The following KCTD19 variants were observed in gnomAD, a reference collection of about 807,000 sequenced individuals.
KCTD19 encodes BTB/POZ domain-containing protein KCTD19.
In KCTD19, 67 loss-of-function variants were observed where a neutral mutation model predicts 103.5. The observed-to-expected ratio is 0.65, with a 90% CI of 0.53 to 0.79. The LOEUF is 0.79. Among genes scored for constraint, KCTD19 ranks in the 30% least tolerant of loss-of-function variants. KCTD19 has a pLI of 0.00. For synonymous variants in KCTD19, 439 were observed against 452.2 expected (o/e 0.97, Z 0.37); for missense variants, 980 against 1,136.1 (o/e 0.86, Z 1.98).
At chr16:67,319,347 T>C (rs2037047042) in intron 2 of KCTD19, among the ~76,000 whole-genome samples, 1 of 152,200 alleles carries the variant, frequency 6.6e-6, no homozygotes, top group African/African-American at 2.4e-5. Flanking sequence ...CATTCCTCTA[T>C]GGCCCAGATA....
In KCTD19 at chr16:67,294,859, C is replaced by T. The variant is rs895799118; in HGVS notation, c.1475+114G>A. On this transcript the variant is annotated intron_variant, in intron 10 of 15. Coordinates refer to ENST00000304372, the MANE Select transcript of KCTD19 (RefSeq NM_001100915.3). ...ACTGGCCAATCCTGGGCCTGCTTCA[C>T]TCCCTCAACCCCAAGGAGATCAGGA... 7 of 1,012,862 alleles carry T rather than the reference C, an allele frequency of 6.9e-6. No homozygotes were observed. The African/African-American group carries it at 1.1e-4, about 16-fold the overall frequency. The allele number at this position is 1,012,862 out of a possible 1,614,324, so 62.7% of individuals were successfully genotyped here.
intron 1 of KCTD19, among the ~76,000 whole-genome samples, chr16:67,325,404 T>C (rs951628937): frequency 6.6e-6 from 1 of 150,962 alleles, no homozygotes; most frequent in African/African-American, 2.4e-5. Context: ...TATTTTATTT[T>C]GTTTTATTTT....
chr16:67,299,825 A>T (rs1010908134), intron 5 of KCTD19: 21 of 520,996 alleles, frequency 4.0e-5, no homozygotes, highest in Non-Finnish European at 3.4e-6. Context: ...TATCACTAGC[A>T]TCTGAATTTC....
intron 4 of KCTD19, chr16:67,302,242 T>G: frequency 3.8e-6 from 1 of 262,024 alleles, no homozygotes; most frequent in East Asian, 1.0e-4. Context: ...GAGCAGGTCA[T>G]TCCAAAAGAG....
At chr16:67,325,375 GC>G (rs1417827945) in intron 1 of KCTD19, among the ~76,000 whole-genome samples, 4 of 121,078 alleles carry the variant, frequency 3.3e-5, no homozygotes, top group Admixed American at 2.2e-4. Context: ...ACCACGCCCG[GC>G]TTTATTTTAT....
At chr16:67,297,274 C>G (rs2036775177) in intron 7 of KCTD19, among the ~76,000 whole-genome samples, 1 of 152,168 alleles carries the variant, frequency 6.6e-6, no homozygotes, top group Non-Finnish European at 1.5e-5. Context: ...CTGCGTGGCC[C>G]CAGACTGGGT....
intron 15 of KCTD19, among the ~76,000 whole-genome samples, chr16:67,290,011 G>A (rs1319383743): frequency 2.0e-5 from 3 of 152,164 alleles, no homozygotes; most frequent in African/African-American, 7.2e-5. Context: ...GGCTTGTGGT[G>A]AAAGGTGTTA....
At chr16:67,324,158 G>GT (rs1178874779) in intron 1 of KCTD19, among the ~76,000 whole-genome samples, 1 of 151,940 alleles carries the variant, frequency 6.6e-6, no homozygotes, top group African/African-American at 2.4e-5. Context: ...TGAAAAAAAA[G>GT]TTTAAGGTCA....
chr16:67,318,312 A>G (rs1447686341), intron 2 of KCTD19, among the ~76,000 whole-genome samples: 1 of 152,200 alleles, frequency 6.6e-6, no homozygotes, highest in Admixed American at 6.5e-5. Context: ...CTGTAATCCC[A>G]GCACTTTGGG....
chr16:67,308,908 C>G (rs965901364), intron 2 of KCTD19, among the ~76,000 whole-genome samples: 2 of 152,028 alleles, frequency 1.3e-5, no homozygotes, highest in East Asian at 1.9e-4. Context: ...CGAGCTGGGC[C>G]GATCACTTGA....
At chr16:67,321,144 T>C (rs187011188) in intron 1 of KCTD19, among the ~76,000 whole-genome samples, 80 of 152,212 alleles carry the variant, frequency 5.3e-4, no homozygotes, top group African/African-American at 1.8e-3. Flanking sequence ...TGAGCTATGA[T>C]TGTGCCACTG....
rs759372555 is a variant in KCTD19, at chr16:67,299,411, C to T, written c.938G>A (p.Gly313Glu). ...ATTCCCTGTGATGTACAGTCGGCTT[C>T]CGTCTAGCGTGCTCTCGATGCGAAG... is the stretch of plus-strand genomic sequence containing the variant. ...GQLRIESTLD[G>E]SRLYITGNGV... The change falls in exon 6 of 16, where the codon GGA becomes GAA. Residue 313 changes from glycine (G) to glutamate (E), a missense_variant. Transcript: ENST00000304372. The T allele has an allele frequency of 1.2e-6, 2 of 1,614,150 alleles. No homozygotes were observed. The highest frequency in any genetic ancestry group is 2.7e-5 in the African/African-American group (2 of 74,952).
chr16:67,304,579 A>T lies in KCTD19; in HGVS notation c.301-8T>A. 5 of 1,612,512 alleles carry T rather than the reference A, an allele frequency of 3.1e-6. No homozygotes were observed. Among genetic ancestry groups the T allele is most frequent in the Non-Finnish European group, 4.2e-6 (5 of 1,178,596 alleles). On this transcript the variant is annotated splice_polypyrimidine_tract_variant and splice_region_variant and intron_variant, in intron 2 of 15. Coordinates refer to ENST00000304372, the MANE Select transcript of KCTD19 (RefSeq NM_001100915.3). ...CTTCAGGTTATCTAGAGTCTGTTAG[A>T]TAATGAAGAGTACTATCTTGAGAAT...
chr16:67,300,371 G>C lies in KCTD19; in HGVS notation c.776-798C>G, dbSNP rs1179795501. 1 of 152,264 alleles carries C rather than the reference G, an allele frequency of 6.6e-6. No homozygotes were observed. Among genetic ancestry groups the C allele is most frequent in the Admixed American group, 6.5e-5 (1 of 15,290 alleles). 9.4% of individuals were successfully genotyped at this position (152,264 alleles called of 1,614,324 possible). On this transcript the variant is annotated intron_variant, in intron 5 of 15. Coordinates refer to ENST00000304372, the MANE Select transcript of KCTD19 (RefSeq NM_001100915.3). This position sits in a 1 kb window ranked among gnomAD's most constrained non-coding sequence, Gnocchi z 4.5. ...TCTGTCCAGCTCCAAGGTTACCACA[G>C]CTGTTTCCCTTATTGTGATGCTTTG...
intron 6 of KCTD19, among the ~76,000 whole-genome samples, chr16:67,298,914 T>C (rs534124476): frequency 3.0e-4 from 46 of 152,310 alleles, no homozygotes; most frequent in Admixed American, 2.7e-3. Flanking sequence ...CTGGGAAGCC[T>C]GGCCTGGCCT....
At chr16:67,326,670 T>C in intron 1 of KCTD19, 35 bp downstream of exon 1, 1 of 1,577,594 alleles carries the variant, frequency 6.3e-7, no homozygotes, top group Non-Finnish European at 8.6e-7. Context: ...GCCGCTTTGG[T>C]GCTTTTGGCG....
At chr16:67,299,727 A>T (rs1319027835) in intron 5 of KCTD19, 154 bp from the exon 6 acceptor site, 2 of 613,596 alleles carry the variant, frequency 3.3e-6, no homozygotes, top group Non-Finnish European at 5.6e-6. Flanking sequence ...ATCTTCTCAA[A>T]ATTAGTATAA....
chr16:67,316,287 C>A lies in KCTD19; in HGVS notation c.300+4302G>T, dbSNP rs201526838. The stretch of plus-strand genomic sequence containing the variant: ...TGTCCTGGGCTCAAGAATCCTCCTG[C>A]CTTGACCTCCCAAAGTGTTGTGATT... On this transcript the variant is annotated intron_variant, in intron 2 of 15. Coordinates refer to ENST00000304372, the MANE Select transcript of KCTD19 (RefSeq NM_001100915.3). Among the ~76,000 whole-genome samples, 30 of 152,260 alleles carry A rather than the reference C, an allele frequency of 2.0e-4. No homozygotes were observed. In the East Asian group the frequency reaches 4.6e-3, roughly 24 times the overall value.
rs1028219499 is a variant in KCTD19 at position 67,323,589 on chromosome 16, C to T, written c.4-2704G>A. ...ATAACAACATGGATGAAATTCGAAA[C>T]ATTATGCCAAGGGAAAGAAGCCAAA... is the stretch of plus-strand genomic sequence containing the variant. On this transcript the variant is annotated intron_variant, in intron 1 of 15. Transcript: ENST00000304372. The surrounding 1 kb of genome is among the most constrained non-coding windows in gnomAD (Gnocchi z 4.1). Among the ~76,000 whole-genome samples, 4 of 152,084 alleles carry T rather than the reference C, an allele frequency of 2.6e-5. No homozygotes were observed. Among genetic ancestry groups the T allele is most frequent in the African/African-American group, 9.7e-5 (4 of 41,406 alleles).
Sources: gnomAD v4.1 joint callset for allele counts (sites outside exome capture counted in the v4.1 genomes callset) on GRCh38, gnomAD v4.1.1 for gene constraint, Gnocchi (gnomAD v3.1) non-coding constraint, MANE v1.5 for transcripts, NCBI Gene and HGNC (gene_info 2026-07-23, HGNC 2026-07-21) for gene names.